The following PLEKHG4B variants were observed in gnomAD, a reference collection of about 807,000 sequenced individuals.
The protein encoded by PLEKHG4B is pleckstrin homology domain-containing family G member 4B.
Under a neutral mutation model 121.3 loss-of-function variants are expected in PLEKHG4B, and 111 were observed. The ratio of observed to expected loss-of-function variants is 0.92; its 90% CI spans 0.78 to 1.07. PLEKHG4B has a LOEUF of 1.07. Among genes scored for constraint, PLEKHG4B ranks in the 50% least tolerant of loss-of-function variants. The pLI is 0.00. For synonymous variants in PLEKHG4B, 738 were observed against 725.0 expected (o/e 1.02, Z -0.29); for missense variants, 1,831 against 1,757.8 (o/e 1.04, Z -0.74).
At chr5:170,980 C>T (rs540138425) in intron 14 of PLEKHG4B, 63 bp from the exon 15 acceptor site, 360 of 1,387,338 alleles carry the variant, frequency 2.6e-4, no homozygotes, top group Non-Finnish European at 3.2e-4. Flanking sequence ...ACCCGGGCTG[C>T]GGGAGCCTGC....
At chr5:98,603 T>A (rs1309562799) in intron 1 of PLEKHG4B, among the ~76,000 whole-genome samples, 1 of 111,546 alleles carries the variant, frequency 9.0e-6, no homozygotes, top group Non-Finnish European at 1.8e-5. Context: ...CCTGGCTAAT[T>A]TGTGTGTGTG....
intron 6 of PLEKHG4B, among the ~76,000 whole-genome samples, chr5:150,400 C>A (rs1019978207): frequency 6.6e-6 from 1 of 152,078 alleles, no homozygotes; most frequent in Non-Finnish European, 1.5e-5. Flanking sequence ...TTTGCTCTTA[C>A]AAGATGAAAA....
At chr5:133,722 G>A (rs953335772) in intron 2 of PLEKHG4B, among the ~76,000 whole-genome samples, 2 of 152,048 alleles carry the variant, frequency 1.3e-5, no homozygotes, top group Admixed American at 6.6e-5. Flanking sequence ...ACAGCGTGGA[G>A]ATTCCTTAAA....
At chr5:111,702 C>A (rs1374149551) in intron 1 of PLEKHG4B, among the ~76,000 whole-genome samples, 1 of 152,156 alleles carries the variant, frequency 6.6e-6, no homozygotes, top group East Asian at 1.9e-4. Context: ...CAGGCCTCTT[C>A]CGGAGATGGC....
chr5:142,828 C>T (rs1006019953), intron 3 of PLEKHG4B, among the ~76,000 whole-genome samples: 1 of 152,240 alleles, frequency 6.6e-6, no homozygotes, highest in Non-Finnish European at 1.5e-5. Flanking sequence ...GAGCTGGAGA[C>T]TCCGTCTCCG....
chr5:133,974 T>G, intron 2 of PLEKHG4B, among the ~76,000 whole-genome samples: 1 of 144,090 alleles, frequency 6.9e-6, no homozygotes, highest in African/African-American at 2.6e-5. Flanking sequence ...ATATATGAGA[T>G]GGACTATATA....
At position 157,923 on chromosome 5, in the gene PLEKHG4B, C is replaced by T. The variant is rs754893558; in HGVS notation, c.2487+1012C>T. Among the ~76,000 whole-genome samples the T allele has an allele frequency of 3.3e-5, 5 of 152,150 alleles. No individual in the cohort carries two copies. Among genetic ancestry groups the T allele is most frequent in the South Asian group, 2.1e-4 (1 of 4,828 alleles). Reference sequence around the variant, plus strand: ...CTTCAGGTCCATGCGCGTGCCCTCACGGGGGCCTCCAGACAAAGACGTGCA... The same window carrying T: ...CTTCAGGTCCATGCGCGTGCCCTCATGGGGGCCTCCAGACAAAGACGTGCA... On this transcript the variant is annotated intron_variant, in intron 11 of 19. Coordinates refer to ENST00000637938, the MANE Select transcript of PLEKHG4B (RefSeq NM_052909.5). The surrounding 1 kb of genome is among the most constrained non-coding windows in gnomAD (Gnocchi z 4.6).
rs1463068788 is a variant in PLEKHG4B, at chr5:184,114, GC to G, written c.*1792del. 1 of 152,174 alleles carries G rather than the reference GC, an allele frequency of 6.6e-6. No individual in the cohort carries two copies. Among genetic ancestry groups the G allele is most frequent in the Non-Finnish European group, 1.5e-5 (1 of 68,050 alleles). 9.4% of individuals were successfully genotyped at this position (152,174 alleles called of 1,614,324 possible). On this transcript the variant is annotated 3_prime_UTR_variant, in exon 20 of 20. Transcript: ENST00000637938. ...GAGCCCCACAATAGGCCATCCACAA[GC>G]TGGAGACCCAAGGAAGCTGCTAGTG...
intron 2 of PLEKHG4B, among the ~76,000 whole-genome samples, chr5:125,139 A>G (rs181241049): frequency 5.9e-5 from 9 of 152,174 alleles, no homozygotes; most frequent in South Asian, 2.1e-4. Flanking sequence ...AAAAAAATCA[A>G]TTTTGCCAGT....
chr5:144,251 C>G (rs1266143865), intron 5 of PLEKHG4B: 3 of 152,438 alleles, frequency 2.0e-5, no homozygotes, highest in Non-Finnish European at 4.4e-5. Flanking sequence ...CTACCATTCT[C>G]TCCTATTAAA....
intron 1 of PLEKHG4B, among the ~76,000 whole-genome samples, chr5:99,738 A>G (rs553976168): frequency 3.3e-5 from 5 of 152,128 alleles, no homozygotes; most frequent in African/African-American, 9.7e-5. Context: ...TTGTTTGGTT[A>G]CTCAGACTAA....
At chr5:100,360 CTG>C (rs1286498081) in intron 1 of PLEKHG4B, among the ~76,000 whole-genome samples, 1 of 151,804 alleles carries the variant, frequency 6.6e-6, no homozygotes, top group African/African-American at 2.4e-5. Flanking sequence ...AGGGGAAAGA[CTG>C]TTGTGAGGTT....
At chr5:164,221 A>G (rs1736155729) in intron 13 of PLEKHG4B, among the ~76,000 whole-genome samples, 1 of 152,254 alleles carries the variant, frequency 6.6e-6, no homozygotes, top group South Asian at 2.1e-4. Context: ...ATTTTTCCAC[A>G]GACCGCAGGG....
rs1400511350 is a variant in PLEKHG4B, at chr5:182,676, G to A, written c.*353G>A. On this transcript the variant is annotated 3_prime_UTR_variant, in exon 20 of 20. Transcript: ENST00000637938. ...CGCGATCCCTGAGAGACAGGAAAAC[G>A]GGAGGTGAGCCCGGTGATGGCCTCA... The A allele has an allele frequency of 7.4e-6, 2 of 269,922 alleles. No individual in the cohort carries two copies. The highest frequency in any genetic ancestry group is 8.3e-5 in the East Asian group (1 of 11,988). 16.7% of individuals were successfully genotyped at this position (269,922 alleles called of 1,614,324 possible).
chr5:124,902 G>C (rs547472378), intron 2 of PLEKHG4B, among the ~76,000 whole-genome samples: 1 of 151,764 alleles, frequency 6.6e-6, no homozygotes. Context: ...GGGAGGCCAA[G>C]GTGGGTGGAT....
At chr5:94,204 C>T (rs970669124) in intron 1 of PLEKHG4B, among the ~76,000 whole-genome samples, 3 of 152,230 alleles carry the variant, frequency 2.0e-5, no homozygotes, top group Non-Finnish European at 4.4e-5. Context: ...TTTGGTGCCT[C>T]TCCTGGCTGA....
At chr5:129,575 GGGTGTACCCCA>G (rs921693238) in intron 2 of PLEKHG4B, among the ~76,000 whole-genome samples, 2 of 152,210 alleles carry the variant, frequency 1.3e-5, no homozygotes, top group African/African-American at 2.4e-5. Flanking sequence ...GATCTCTTGA[GGGTGTACCCCA>G]GGTGATGGTC....
intron 1 of PLEKHG4B, among the ~76,000 whole-genome samples, chr5:103,007 G>A (rs147952386): frequency 0.022 from 3,324 of 152,308 alleles, 69 homozygotes; most frequent in Non-Finnish European, 0.032. Flanking sequence ...TGAGGCATCA[G>A]GAAGTTTGCA....
Position 159,031 on chromosome 5 carries a change from C to T in PLEKHG4B, c.2487+2120C>T, listed in dbSNP as rs1319165578. Among the ~76,000 whole-genome samples, 1 of 152,010 alleles carries T rather than the reference C, an allele frequency of 6.6e-6. No individual in the cohort carries two copies. Among genetic ancestry groups the T allele is most frequent in the Non-Finnish European group, 1.5e-5 (1 of 68,032 alleles). On this transcript the variant is annotated intron_variant, in intron 11 of 19. Transcript: ENST00000637938. The surrounding 1 kb of genome is among the most constrained non-coding windows in gnomAD (Gnocchi z 5.5). ...CCAGCTGGAAGGCCCTGCGCCTGTGCTTAGCTTCCATCCCACTCCCAGCCT... is the reference window on the plus strand; with the variant it reads ...CCAGCTGGAAGGCCCTGCGCCTGTGTTTAGCTTCCATCCCACTCCCAGCCT...
Sources: allele counts gnomAD v4.1 joint callset (sites outside exome capture counted in the v4.1 genomes callset), GRCh38; gene constraint gnomAD v4.1.1; non-coding constraint Gnocchi (gnomAD v3.1); transcripts MANE v1.5; gene names NCBI Gene and HGNC (gene_info 2026-07-23, HGNC 2026-07-21).